Variants in CCDC171 observed in about 807,000 individuals in gnomAD.
The protein encoded by CCDC171 is coiled-coil domain-containing protein 171.
In CCDC171, 177 loss-of-function variants were observed where a neutral mutation model predicts 168.2. The observed-to-expected ratio is 1.05, with a 90% CI of 0.93 to 1.19. The LOEUF is 1.19. Ranked by LOEUF, CCDC171 falls within the 50% of genes most tolerant of loss-of-function variation. The pLI is 0.00. For synonymous variants in CCDC171, 687 were observed against 540.8 expected (o/e 1.27, Z -3.75); for missense variants, 1,991 against 1,539.0 (o/e 1.29, Z -4.91).
rs375388534 is a variant in CCDC171, at chr9:15,563,157, A to G, written c.-111-821A>G. Among the ~76,000 whole-genome samples the G allele has an allele frequency of 2.2e-4, 30 of 137,632 alleles. No homozygotes were observed. In the East Asian group the frequency reaches 4.5e-3, roughly 21 times the overall value. 90.3% of individuals were successfully genotyped at this position (137,632 alleles called of 152,430 possible). A position where few individuals can be genotyped will look rare whatever the true frequency, so the allele number is the denominator to read the frequency against. On this transcript the variant is annotated intron_variant, in intron 1 of 25. Coordinates refer to ENST00000380701, the MANE Select transcript of CCDC171 (RefSeq NM_173550.4). ...GTTACTTCTTTTTTTTTTTTTTTTG[A>G]CACGGAGTTTCTCTCTTGTTGGCCA...
chr9:15,560,941 A>G (rs1328743839), intron 1 of CCDC171, among the ~76,000 whole-genome samples: 2 of 152,130 alleles, frequency 1.3e-5, no homozygotes, highest in African/African-American at 2.4e-5. Flanking sequence ...TTTTCCTTCT[A>G]ACAGTCAGGA....
At chr9:15,928,328 A>G (rs78536657) in intron 25 of CCDC171, among the ~76,000 whole-genome samples, 1 of 151,794 alleles carries the variant, frequency 6.6e-6, no homozygotes, top group East Asian at 1.9e-4. Flanking sequence ...GTTGAAAAAA[A>G]TGAAGATTAC....
chr9:15,622,453 T>C (rs1182852176), intron 6 of CCDC171, among the ~76,000 whole-genome samples: 4 of 152,208 alleles, frequency 2.6e-5, no homozygotes, highest in African/African-American at 7.2e-5. Context: ...ATGGTATCTT[T>C]TGAGTGGCTA....
intron 23 of CCDC171, among the ~76,000 whole-genome samples, chr9:15,859,125 A>G (rs1161594609): frequency 6.6e-6 from 1 of 152,032 alleles, no homozygotes; most frequent in Non-Finnish European, 1.5e-5. Flanking sequence ...ATTTTATCAA[A>G]TGCTTTTTAT....
intron 25 of CCDC171, among the ~76,000 whole-genome samples, chr9:15,936,813 G>A (rs573381457): frequency 4.6e-5 from 7 of 151,888 alleles, no homozygotes; most frequent in South Asian, 2.1e-4. Flanking sequence ...AGATTCCAGG[G>A]CATGTCAGCC....
At chr9:15,712,357 C>T (rs536824523) in intron 11 of CCDC171, among the ~76,000 whole-genome samples, 1 of 152,284 alleles carries the variant, frequency 6.6e-6, no homozygotes, top group East Asian at 1.9e-4. Flanking sequence ...ATTCTACTTT[C>T]TTTTCTATGA....
At position 15,890,344 on chromosome 9, in the gene CCDC171, A is replaced by G. The variant is rs75642703; in HGVS notation, c.3600+15681A>G. 1.1e-3 allele frequency among the ~76,000 whole-genome samples: 170 copies of G among 152,290 alleles called. 2 individuals carry two copies. In the South Asian group the frequency reaches 0.016, roughly 14 times the overall value. ...TTAGGAGAGGCTTCATAGAGGAGGT[A>G]GCATTTGAGTGGACCTTGAAGTTTA... On this transcript the variant is annotated intron_variant, in intron 24 of 25. Transcript: ENST00000380701.
intron 16 of CCDC171, among the ~76,000 whole-genome samples, chr9:15,741,002 G>A (rs546302504): frequency 3.0e-4 from 45 of 152,078 alleles, no homozygotes; most frequent in African/African-American, 1.1e-3. Flanking sequence ...TACATTTCAG[G>A]CCAAATTGAT....
At chr9:15,836,738 G>C (rs1275488136) in intron 21 of CCDC171, among the ~76,000 whole-genome samples, 1 of 152,162 alleles carries the variant, frequency 6.6e-6, no homozygotes, top group Non-Finnish European at 1.5e-5. Context: ...CATTTCATTG[G>C]TCAAAGCAAG....
chr9:15,744,859 C>T (rs1290328138), intron 17 of CCDC171, 82 bp downstream of exon 17: 2 of 1,360,284 alleles, frequency 1.5e-6, no homozygotes, highest in Admixed American at 2.5e-5. Flanking sequence ...TATGGAAAAA[C>T]TCTTAAAAAA....
At chr9:16,106,929 T>C in the CCDC171 span, among the ~76,000 whole-genome samples, 1 of 152,122 alleles carries the variant, frequency 6.6e-6, no homozygotes, top group Non-Finnish European at 1.5e-5. Context: ...CTCACTGCCC[T>C]CCTGCAAAAC....
intron 4 of CCDC171, among the ~76,000 whole-genome samples, chr9:15,581,716 C>T (rs1241719083): frequency 6.6e-6 from 1 of 152,042 alleles, no homozygotes; most frequent in African/African-American, 2.4e-5. Context: ...GTTGGGAAAA[C>T]TGGCTAGCCA....
intron 7 of CCDC171, among the ~76,000 whole-genome samples, chr9:15,638,689 G>T (rs148905278): frequency 6.6e-6 from 1 of 151,508 alleles, no homozygotes; most frequent in Non-Finnish European, 1.5e-5. Context: ...AAATATAAAA[G>T]AATTTAAAAA....
chr9:15,589,011 T>C (rs1406398874), intron 4 of CCDC171, among the ~76,000 whole-genome samples: 1 of 151,858 alleles, frequency 6.6e-6, no homozygotes, highest in Non-Finnish European at 1.5e-5. Context: ...CACCCAGCCG[T>C]GTTTTTTTTT....
chr9:15,719,813 C>T (rs1254321296), intron 11 of CCDC171, among the ~76,000 whole-genome samples: 3 of 151,980 alleles, frequency 2.0e-5, no homozygotes, highest in Non-Finnish European at 4.4e-5. Flanking sequence ...TCCCGAGTGT[C>T]CTTGAATGAT....
intron 3 of CCDC171, among the ~76,000 whole-genome samples, chr9:15,574,219 A>G (rs1228285332): frequency 6.6e-6 from 1 of 151,246 alleles, no homozygotes; most frequent in African/African-American, 2.4e-5. Flanking sequence ...ATCTTGGCTC[A>G]CTGCAACCTC....
intron 25 of CCDC171, among the ~76,000 whole-genome samples, chr9:15,934,389 C>CAAAAAAAAAAA (rs71304892): frequency 2.6e-5 from 3 of 114,282 alleles, no homozygotes; most frequent in Non-Finnish European, 3.5e-5. Context: ...GACCCTGTCT[C>CAAAAAAAAAAA]AAAAAAAAAA....
intron 2 of CCDC171, among the ~76,000 whole-genome samples, chr9:15,565,691 C>G (rs2039675022): frequency 6.6e-6 from 1 of 152,094 alleles, no homozygotes. Context: ...ACGTAGCAGC[C>G]CTTCGTTTCT....
intron 21 of CCDC171, among the ~76,000 whole-genome samples, chr9:15,832,165 G>A (rs977684571): frequency 6.6e-6 from 1 of 151,824 alleles, no homozygotes; most frequent in Non-Finnish European, 1.5e-5. Context: ...TAAACTTTTG[G>A]TGTGAAATGC....
Sources: gnomAD v4.1 joint callset for allele counts (sites outside exome capture counted in the v4.1 genomes callset) on GRCh38, gnomAD v4.1.1 for gene constraint, MANE v1.5 for transcripts, NCBI Gene and HGNC (gene_info 2026-07-23, HGNC 2026-07-21) for gene names.